MYO3B: variants seen among roughly 807,000 people sequenced by gnomAD.
MYO3B encodes the protein myosin-IIIb.
In MYO3B, 156 loss-of-function variants were observed where a neutral mutation model predicts 174.6. The ratio of observed to expected loss-of-function variants is 0.89; its 90% CI spans 0.78 to 1.02. The LOEUF (loss-of-function observed/expected upper bound fraction) is 1.02. MYO3B is among the 50% of genes least tolerant of loss of function. The pLI is 0.00. For synonymous variants in MYO3B, 563 were observed against 569.1 expected (o/e 0.99, Z 0.15); for missense variants, 1,632 against 1,639.4 (o/e 1.00, Z 0.08).
Position 170,653,068 on chromosome 2 carries a change from C to A in MYO3B, c.3973C>A (p.His1325Asn). Reference sequence around the variant, plus strand: ...TATCCCTGAGGAGAACAACTCAGCCCACCCTTCCTTTTTTTCTTCATCCTC... The same window carrying A: ...TATCCCTGAGGAGAACAACTCAGCCAACCCTTCCTTTTTTTCTTCATCCTC... ...DCIPEENNSA[H>N]PSFFSSSSKG... The change falls in exon 35 of 35, where the codon CAC (histidine) becomes AAC (asparagine). Residue 1325 changes from histidine (H) to asparagine (N), a missense_variant. Transcript: ENST00000408978. 1 of 1,614,120 alleles carries A rather than the reference C, an allele frequency of 6.2e-7. No homozygotes were observed. The highest frequency in any genetic ancestry group is 8.5e-7 in the Non-Finnish European group (1 of 1,180,008).
chr2:170,221,227 A>G (rs779620869), intron 6 of MYO3B, among the ~76,000 whole-genome samples: 6 of 152,106 alleles, frequency 3.9e-5, no homozygotes, highest in Non-Finnish European at 8.8e-5. Context: ...ACGACAATGC[A>G]CGCAATACCA....
intron 7 of MYO3B, among the ~76,000 whole-genome samples, chr2:170,262,694 C>T (rs1475474793): frequency 2.6e-5 from 4 of 152,150 alleles, no homozygotes. Context: ...GTGTGGAAGC[C>T]ACCCTCTAAA....
At chr2:170,195,649 T>G (rs560136615) in intron 1 of MYO3B, among the ~76,000 whole-genome samples, 1 of 152,302 alleles carries the variant, frequency 6.6e-6, no homozygotes, top group South Asian at 2.1e-4. Flanking sequence ...TCTAAAAGAA[T>G]GCACTGTAAC....
intron 7 of MYO3B, among the ~76,000 whole-genome samples, chr2:170,270,273 A>G (rs2093416358): frequency 6.6e-6 from 1 of 152,320 alleles, no homozygotes; most frequent in South Asian, 2.1e-4. Context: ...GAAGAGTGCA[A>G]ACCCATTCTG....
chr2:170,537,188 G>A (rs546861329), intron 30 of MYO3B, among the ~76,000 whole-genome samples: 24 of 133,814 alleles, frequency 1.8e-4, no homozygotes, highest in African/African-American at 6.5e-4. Flanking sequence ...GTGACAGTGC[G>A]AGACTCTGTC....
chr2:170,410,076 A>G (rs914819828), intron 22 of MYO3B, among the ~76,000 whole-genome samples: 3 of 152,174 alleles, frequency 2.0e-5, no homozygotes, highest in Admixed American at 6.5e-5. Flanking sequence ...AAGATCCCAC[A>G]CTATCCTGGC....
chr2:170,430,344 C>A (rs1266547990), intron 22 of MYO3B, among the ~76,000 whole-genome samples: 1 of 150,626 alleles, frequency 6.6e-6, no homozygotes, highest in African/African-American at 2.4e-5. Flanking sequence ...TCAATAGAAT[C>A]ATTCCATAAA....
At chr2:170,266,824 C>T (rs1333928994) in intron 7 of MYO3B, among the ~76,000 whole-genome samples, 1 of 152,212 alleles carries the variant, frequency 6.6e-6, no homozygotes, top group Non-Finnish European at 1.5e-5. Flanking sequence ...AATGACAACA[C>T]TTGGCATCCT....
chr2:170,332,077 AC>A (rs1464411078), intron 7 of MYO3B: 2 of 152,208 alleles, frequency 1.3e-5, no homozygotes, highest in Non-Finnish European at 2.9e-5. Flanking sequence ...TAGAATGTGG[AC>A]ATCTTTGAGG....
chr2:170,598,556 T>G (rs1694292629), intron 32 of MYO3B, among the ~76,000 whole-genome samples: 1 of 152,210 alleles, frequency 6.6e-6, no homozygotes, highest in African/African-American at 2.4e-5. Flanking sequence ...TGTGTGGAAA[T>G]TCAGAACTGC....
rs539993349 is a variant in MYO3B, at chr2:170,179,693, C to T, written c.2+1404C>T. Among the ~76,000 whole-genome samples, 11 of 152,290 alleles carry T rather than the reference C, an allele frequency of 7.2e-5. No homozygotes were observed. The East Asian group carries it at 2.1e-3, about 29-fold the overall frequency. On this transcript the variant is annotated intron_variant, in intron 1 of 34. Transcript: ENST00000408978. ...CCTTGATCTTGGACTTCCCAGCCTC[C>T]AGAACCATGAGCCAAATAAACTTCT...
intron 9 of MYO3B, among the ~76,000 whole-genome samples, chr2:170,379,809 C>T (rs910831669): frequency 6.6e-6 from 1 of 152,170 alleles, no homozygotes; most frequent in Non-Finnish European, 1.5e-5. Context: ...AGCAGCAAAA[C>T]TGGTTCTAGG....
chr2:170,497,786 G>T (rs1441740081), intron 25 of MYO3B, among the ~76,000 whole-genome samples: 3 of 151,688 alleles, frequency 2.0e-5, no homozygotes, highest in African/African-American at 7.3e-5. Flanking sequence ...GTGAGGAAAA[G>T]ATATTTTTCC....
intron 8 of MYO3B, among the ~76,000 whole-genome samples, chr2:170,359,755 A>G (rs2094147373): frequency 6.6e-6 from 1 of 152,138 alleles, no homozygotes; most frequent in Non-Finnish European, 1.5e-5. Context: ...TCTTGCTCCT[A>G]GTTAGAATTA....
intron 32 of MYO3B, among the ~76,000 whole-genome samples, chr2:170,558,669 T>C (rs1236812400): frequency 6.6e-6 from 1 of 152,218 alleles, no homozygotes; most frequent in Non-Finnish European, 1.5e-5. Flanking sequence ...ACTTTATGCA[T>C]TCATGTTTCT....
chr2:170,436,376 G>T (rs1482655994), intron 22 of MYO3B, among the ~76,000 whole-genome samples: 1 of 152,120 alleles, frequency 6.6e-6, no homozygotes, highest in African/African-American at 2.4e-5. Context: ...ATCTGCTGAG[G>T]TCTATTGTTT....
intron 32 of MYO3B, among the ~76,000 whole-genome samples, chr2:170,589,734 T>C (rs1198649484): frequency 2.6e-5 from 4 of 152,204 alleles, no homozygotes; most frequent in Non-Finnish European, 4.4e-5. Context: ...GGTTAATTTA[T>C]TATTGAAGAA....
intron 19 of MYO3B, among the ~76,000 whole-genome samples, chr2:170,403,837 C>T (rs1025956205): frequency 3.3e-5 from 5 of 152,170 alleles, no homozygotes; most frequent in East Asian, 1.9e-4. Context: ...ATTTATTTCC[C>T]GGTAATCTGG....
chr2:170,432,259 C>G (rs2094715563), intron 22 of MYO3B, among the ~76,000 whole-genome samples: 1 of 151,748 alleles, frequency 6.6e-6, no homozygotes, highest in Non-Finnish European at 1.5e-5. Flanking sequence ...TGTTATTGCC[C>G]CATAGACCTT....
Sources: allele counts gnomAD v4.1 joint callset (sites outside exome capture counted in the v4.1 genomes callset), GRCh38; gene constraint gnomAD v4.1.1; transcripts MANE v1.5; gene names NCBI Gene and HGNC (gene_info 2026-07-23, HGNC 2026-07-21).